The following ZC3H13 variants were observed in gnomAD, a reference collection of about 807,000 sequenced individuals.
ZC3H13 encodes the protein zinc finger CCCH domain-containing protein 13.
Under a neutral mutation model 204.1 loss-of-function variants are expected in ZC3H13, and 64 were observed. The ratio of observed to expected loss-of-function variants is 0.31; its 90% confidence interval spans 0.26 to 0.39. The LOEUF is 0.39. ZC3H13 is among the 10% of genes least tolerant of loss of function. The probability of loss-of-function intolerance (pLI) is 1.00; values close to 1 mark genes in which losing one functional copy is unlikely to be tolerated. For synonymous variants in ZC3H13, 667 were observed against 693.7 expected (o/e 0.96, Z 0.60); for missense variants, 1,833 against 2,082.7 (o/e 0.88, Z 2.33).
At chr13:45,964,383 G>A (rs139358253) in intron 16 of ZC3H13, among the ~76,000 whole-genome samples, 21 of 152,280 alleles carry the variant, frequency 1.4e-4, no homozygotes, top group African/African-American at 5.1e-4. Flanking sequence ...CCTTTTAAGG[G>A]TTAAATCTAG....
At chr13:46,005,316 T>TTA (rs2041056822) in intron 7 of ZC3H13, among the ~76,000 whole-genome samples, 1 of 152,184 alleles carries the variant, frequency 6.6e-6, no homozygotes, top group South Asian at 2.1e-4. Context: ...GCAGTTCTCT[T>TTA]TATTACACAG....
intron 1 of ZC3H13, among the ~76,000 whole-genome samples, chr13:46,051,122 T>C (rs1186938634): frequency 1.3e-5 from 2 of 152,206 alleles, no homozygotes; most frequent in African/African-American, 4.8e-5. Context: ...TAAATACTGA[T>C]GATATTACAA....
intron 5 of ZC3H13, among the ~76,000 whole-genome samples, chr13:46,019,796 A>C (rs1446271394): frequency 6.6e-6 from 1 of 152,014 alleles, no homozygotes; most frequent in Non-Finnish European, 1.5e-5. Context: ...TGTTGCCCAC[A>C]CTGGTCTCAA....
chr13:46,033,652 G>A (rs2043034681), intron 4 of ZC3H13, among the ~76,000 whole-genome samples: 1 of 152,078 alleles, frequency 6.6e-6, no homozygotes, highest in African/African-American at 2.4e-5. Flanking sequence ...GACTAATCTA[G>A]CGGTAAAAGC....
intron 7 of ZC3H13, among the ~76,000 whole-genome samples, chr13:46,006,598 C>A (rs905466190): frequency 4.0e-5 from 6 of 149,820 alleles, no homozygotes; most frequent in African/African-American, 1.5e-4. Flanking sequence ...TTTTCACTAT[C>A]TACTAATCTC....
intron 4 of ZC3H13, among the ~76,000 whole-genome samples, chr13:46,039,449 C>T (rs1033189556): frequency 6.6e-6 from 1 of 152,224 alleles, no homozygotes; most frequent in Non-Finnish European, 1.5e-5. Context: ...AAATCATTTA[C>T]ATGTATATTC....
Position 45,985,830 on chromosome 13 carries a change from T to C in ZC3H13, c.1256-69A>G, listed in dbSNP as rs961650389. On this transcript the variant is annotated intron_variant, in intron 9 of 18. Transcript: ENST00000679008. ...GTTTCAGGAAACTAGAAAACATATT[T>C]AATACAGAACTTTAAAAATTTTATT... is the stretch of plus-strand genomic sequence containing the variant. 16 of 1,369,360 alleles carry C rather than the reference T, an allele frequency of 1.2e-5. No homozygotes were observed. The African/African-American group carries it at 2.3e-4, about 20-fold the overall frequency. 84.8% of individuals were successfully genotyped at this position (1,369,360 alleles called of 1,614,324 possible).
chr13:45,967,184 AT>A (rs1203553943), intron 15 of ZC3H13, among the ~76,000 whole-genome samples: 2 of 152,070 alleles, frequency 1.3e-5, no homozygotes, highest in Non-Finnish European at 2.9e-5. Context: ...TTGTAATCTT[AT>A]TTTTTTAACA....
At chr13:45,957,338 CATT>C in intron 18 of ZC3H13, 41 bp from the exon 19 acceptor site, 2 of 1,410,232 alleles carry the variant, frequency 1.4e-6, no homozygotes, top group Non-Finnish European at 1.9e-6. Context: ...AAAAGATGTA[CATT>C]ATTAGTAGGA....
At chr13:46,035,137 T>C (rs1164423741) in intron 4 of ZC3H13, among the ~76,000 whole-genome samples, 3 of 152,124 alleles carry the variant, frequency 2.0e-5, no homozygotes, top group Non-Finnish European at 4.4e-5. Flanking sequence ...GGAATTCAGT[T>C]ATCAGGCTGT....
At chr13:45,981,537 C>G (rs1216428412) in intron 10 of ZC3H13, among the ~76,000 whole-genome samples, 1 of 151,974 alleles carries the variant, frequency 6.6e-6, no homozygotes, top group Non-Finnish European at 1.5e-5. Context: ...ATTTCTAGTT[C>G]TAGATCCCTG....
intron 12 of ZC3H13, among the ~76,000 whole-genome samples, chr13:45,973,526 G>C (rs1284239121): frequency 1.3e-5 from 2 of 152,032 alleles, no homozygotes; most frequent in African/African-American, 4.8e-5. Flanking sequence ...AATGCTTTAG[G>C]TTTTGAATAT....
At position 45,968,041 on chromosome 13, in the gene ZC3H13, T is replaced by C. The variant is rs1952241451; in HGVS notation, c.3797-13A>G. The stretch of plus-strand genomic sequence containing the variant: ...GAATCCTGGCGATCTAAAATAAATA[T>C]ACCATATATAAAGAGTTATTAGCAC... On this transcript the variant is annotated splice_polypyrimidine_tract_variant and intron_variant, in intron 14 of 18. Coordinates refer to ENST00000679008, the MANE Select transcript of ZC3H13 (RefSeq NM_001330564.2). The C allele has an allele frequency of 1.3e-6, 2 of 1,558,198 alleles. No homozygotes were observed. The highest frequency in any genetic ancestry group is 1.3e-5 in the South Asian group (1 of 79,512).
intron 11 of ZC3H13, among the ~76,000 whole-genome samples, chr13:45,977,770 A>G (rs1188153098): frequency 1.3e-5 from 2 of 152,076 alleles, no homozygotes; most frequent in South Asian, 2.1e-4. Context: ...CTTGTTTTCA[A>G]TCTTTCCCAA....
At position 45,967,615 on chromosome 13, in the gene ZC3H13, T is replaced by A; in HGVS notation, c.4210A>T (p.Ser1404Cys). The A allele has an allele frequency of 1.9e-6, 3 of 1,614,152 alleles. No homozygotes were observed. The highest frequency in any genetic ancestry group is 2.5e-6 in the Non-Finnish European group (3 of 1,180,008). ...LEGEHERDLESTSRDSLALDK... is the reference protein window; with the variant it reads ...LEGEHERDLECTSRDSLALDK... ...AAGGCTAGAGAGTCTCGGGAAGTGCTTTCTAGATCCCTTTCATGTTCACCT... is the reference window on the plus strand; with the variant it reads ...AAGGCTAGAGAGTCTCGGGAAGTGCATTCTAGATCCCTTTCATGTTCACCT... Residue 1404 changes from serine (S) to cysteine (C), a missense_variant, in exon 15 of 19, where the codon AGC becomes TGC. By Grantham distance (112) the Ser-to-Cys change is moderately radical (BLOSUM62 -1). This residue lies in a region of ZC3H13 where 1,574 missense variants were observed against 1,757.2 expected (regional missense o/e 0.90). Coordinates refer to ENST00000679008, the MANE Select transcript of ZC3H13 (RefSeq NM_001330564.2).
chr13:46,010,481 T>C lies in ZC3H13; in HGVS notation c.613A>G (p.Lys205Glu), dbSNP rs2041474066. The C allele has an allele frequency of 1.2e-6, 2 of 1,613,428 alleles. No individual in the cohort carries two copies. Among genetic ancestry groups the C allele is most frequent in the Non-Finnish European group, 1.7e-6 (2 of 1,179,480 alleles). ...CTTAGAGAAGGTGACGGGGACAATTTTGATCTAACCACTTCTGGTGAAACC... is the reference window on the plus strand; with the variant it reads ...CTTAGAGAAGGTGACGGGGACAATTCTGATCTAACCACTTCTGGTGAAACC... ...KEVSPEVVRSKLSPSPSLRKS... is the reference protein window; with the variant it reads ...KEVSPEVVRSELSPSPSLRKS... Residue 205 changes from lysine to glutamate, a missense_variant, in exon 7 of 19, where the codon AAA becomes GAA. Lys to Glu is a moderately conservative substitution (Grantham distance 56). Around this residue, in one of 5 missense-constraint regions of ZC3H13, gnomAD observed 1,574 missense variants for 1,757.2 expected, o/e 0.90. Coordinates refer to ENST00000679008, the MANE Select transcript of ZC3H13 (RefSeq NM_001330564.2).
At chr13:45,962,463 CT>C in intron 17 of ZC3H13, 1 of 984,604 alleles carries the variant, frequency 1.0e-6, no homozygotes. Flanking sequence ...TATTCCATCA[CT>C]TTACAAATAA....
At chr13:46,019,069 T>C (rs774369052) in intron 5 of ZC3H13, among the ~76,000 whole-genome samples, 1 of 152,068 alleles carries the variant, frequency 6.6e-6, no homozygotes. Context: ...CATAAACAAG[T>C]TTCCTATTTG....
rs769744918 is a variant in ZC3H13, at chr13:46,003,265, T to C, written c.818A>G (p.Asp273Gly). ...TTTGTATTTTTTCCCCAGAGCGATA[T>C]CTTCTGGTATAGGAGGGGGTGGACT... is the stretch of plus-strand genomic sequence containing the variant. ...TPSPPPPIPE[D>G]IALGKKYKEK... Residue 273 changes from aspartate (D) to glycine (G), a missense_variant, in exon 8 of 19, where the codon GAT becomes GGT. Coordinates refer to ENST00000679008, the MANE Select transcript of ZC3H13 (RefSeq NM_001330564.2). 4 of 1,613,266 alleles carry C rather than the reference T, an allele frequency of 2.5e-6. No individual in the cohort carries two copies. The highest frequency in any genetic ancestry group is 3.3e-5 in the Admixed American group (2 of 59,930).
Sources: gnomAD v4.1 joint callset for allele counts (sites outside exome capture counted in the v4.1 genomes callset) on GRCh38, gnomAD v4.1.1 for gene constraint, gnomAD v4.1.1 regional missense constraint, MANE v1.5 for transcripts, NCBI Gene and HGNC (gene_info 2026-07-23, HGNC 2026-07-21) for gene names.